Variants in APBA2 observed in about 807,000 individuals in gnomAD.
The protein encoded by APBA2 is amyloid beta precursor protein binding family A member 2.
In APBA2, 30 loss-of-function variants were observed where a neutral mutation model predicts 75.0. That is an observed-to-expected ratio of 0.40 (90% CI 0.30 to 0.54). APBA2 has a LOEUF of 0.54. APBA2 is among the 20% of genes least tolerant of loss of function. The pLI, the probability that APBA2 is intolerant of heterozygous loss-of-function variation, is 0.49. For synonymous variants in APBA2, 444 were observed against 409.6 expected, an observed-to-expected ratio of 1.08 and a Z score of -1.01; for missense variants, 801 against 1,016.1, an observed-to-expected ratio of 0.79 and a Z score of 2.88.
At chr15:28,957,047 C>A (rs1296021881) in intron 2 of APBA2, among the ~76,000 whole-genome samples, 1 of 151,916 alleles carries the variant, frequency 6.6e-6, no homozygotes, top group Non-Finnish European at 1.5e-5. Flanking sequence ...GGTACAATCT[C>A]TTTGAGCTCT....
At chr15:28,961,977 A>G (rs942968425) in intron 2 of APBA2, among the ~76,000 whole-genome samples, 23 of 152,192 alleles carry the variant, frequency 1.5e-4, no homozygotes, top group African/African-American at 5.6e-4. Context: ...GAGAGAGAAA[A>G]GGCCGGGTGG....
At chr15:29,044,402 A>G (rs8028477) in intron 3 of APBA2, 55,979 of 152,096 alleles carry the variant, frequency 0.37, 17,171 homozygotes, top group African/African-American at 0.81. Flanking sequence ...CTGGACATGG[A>G]GACTCATTTT....
intron 2 of APBA2, among the ~76,000 whole-genome samples, chr15:28,981,574 C>T (rs1450961366): frequency 6.6e-6 from 1 of 152,182 alleles, no homozygotes. Flanking sequence ...GTAAATTATT[C>T]AGCCACCTTG....
At chr15:29,107,474 C>G (rs1027474916) in intron 12 of APBA2, among the ~76,000 whole-genome samples, 1 of 152,202 alleles carries the variant, frequency 6.6e-6, no homozygotes, top group African/African-American at 2.4e-5. Context: ...TTCCTCCCCA[C>G]CCTGCTGTGG....
At chr15:29,003,422 CAATT>C (rs2038953799) in intron 3 of APBA2, among the ~76,000 whole-genome samples, 2 of 152,176 alleles carry the variant, frequency 1.3e-5, no homozygotes, top group South Asian at 4.1e-4. Flanking sequence ...TTCTGTGCAT[CAATT>C]AGTCTAGACT....
intron 2 of APBA2, among the ~76,000 whole-genome samples, chr15:28,981,268 C>CT (rs1358782331): frequency 6.6e-6 from 1 of 152,146 alleles, no homozygotes; most frequent in Admixed American, 6.5e-5. Context: ...CAACAAAAGT[C>CT]TAATATCACA....
rs758923451 is a variant in APBA2, at chr15:29,054,733, G to A, written c.849G>A (p.Ser283=). 167 of 1,612,174 alleles carry A rather than the reference G, an allele frequency of 1.0e-4. 1 individual carries two copies. The Middle Eastern group carries it at 1.8e-3, about 17-fold the overall frequency. The part of the protein sequence containing the change: ...SPSRHEARPK[S]LNLLPEAKHP... ...GCAGGCACGAGGCGAGGCCCAAGTC[G>A]CTGAACCTCCTTCCCGAGGCCAAGC... Residue 283 remains serine (S), a synonymous_variant, in exon 4 of 15, where the codon TCG becomes TCA. Transcript: ENST00000683413. The surrounding 1 kb of genome is among the most constrained non-coding windows in gnomAD (Gnocchi z 6.1).
At chr15:28,977,781 A>G (rs73368769) in intron 2 of APBA2, among the ~76,000 whole-genome samples, 6,367 of 152,130 alleles carry the variant, frequency 0.042, 272 homozygotes, top group East Asian at 0.17. Flanking sequence ...AAGGTACCTC[A>G]TTGCCTAGTA....
intron 1 of APBA2, among the ~76,000 whole-genome samples, chr15:28,892,251 A>AT (rs1462255035): frequency 6.6e-6 from 1 of 151,720 alleles, no homozygotes; most frequent in African/African-American, 2.4e-5. Context: ...ATTTTTTTGG[A>AT]TTTTTAGTAG....
At chr15:29,087,682 G>T (rs2043349847) in intron 6 of APBA2, among the ~76,000 whole-genome samples, 2 of 152,200 alleles carry the variant, frequency 1.3e-5, no homozygotes, top group Non-Finnish European at 2.9e-5. Context: ...TGCAGCAGAA[G>T]GTCTCACTTG....
chr15:28,978,615 A>G (rs1377202804), intron 2 of APBA2, among the ~76,000 whole-genome samples: 4 of 152,220 alleles, frequency 2.6e-5, no homozygotes, highest in Non-Finnish European at 2.9e-5. Context: ...TCTTTAAATC[A>G]TAGAGCTATT....
At chr15:28,940,459 CGTGAACCCGG>C (rs71839805) in intron 2 of APBA2, among the ~76,000 whole-genome samples, 18,373 of 147,106 alleles carry the variant, frequency 0.12, 2,368 homozygotes, top group East Asian at 0.33. Context: ...TGGAGAATGG[CGTGAACCCGG>C]GTGAACCCGG....
intron 1 of APBA2, among the ~76,000 whole-genome samples, chr15:28,891,923 C>T (rs1250213586): frequency 6.6e-6 from 1 of 152,148 alleles, no homozygotes; most frequent in African/African-American, 2.4e-5. Flanking sequence ...AGTGCAGTTA[C>T]TTTATTTTTT....
intron 1 of APBA2, among the ~76,000 whole-genome samples, chr15:28,906,665 A>C (rs188498632): frequency 6.6e-6 from 1 of 152,214 alleles, no homozygotes; most frequent in African/African-American, 2.4e-5. Context: ...CTCTCTGGAC[A>C]TGATCAGTCT....
At chr15:28,916,570 G>A (rs2033700579) in intron 1 of APBA2, among the ~76,000 whole-genome samples, 2 of 152,166 alleles carry the variant, frequency 1.3e-5, no homozygotes, top group African/African-American at 4.8e-5. Flanking sequence ...AGCCTTTGAG[G>A]GGTTTCCCCT....
rs960011214 is a variant in APBA2, at chr15:29,114,210, G to C, written c.2178+194G>C. ...GAGCCATCCCGGTCTGGCTCTAACTGAGCAACCGGGAGGGCACAGGCTGCT... is the reference window on the plus strand; with the variant it reads ...GAGCCATCCCGGTCTGGCTCTAACTCAGCAACCGGGAGGGCACAGGCTGCT... On this transcript the variant is annotated intron_variant, in intron 14 of 14. Coordinates refer to ENST00000683413, the MANE Select transcript of APBA2 (RefSeq NM_001353788.2). 6.6e-5 allele frequency among the ~76,000 whole-genome samples: 10 copies of C among 152,234 alleles called. No individual in the cohort carries two copies. The East Asian group carries it at 1.7e-3, about 26-fold the overall frequency.
intron 3 of APBA2, among the ~76,000 whole-genome samples, chr15:29,021,212 A>G (rs1035069932): frequency 6.6e-6 from 1 of 152,096 alleles, no homozygotes; most frequent in African/African-American, 2.4e-5. Context: ...TTATGGTGGG[A>G]GAAGAGATTT....
intron 10 of APBA2, among the ~76,000 whole-genome samples, chr15:29,105,032 T>C (rs770878692): frequency 3.4e-4 from 51 of 152,076 alleles, no homozygotes; most frequent in Admixed American, 6.5e-5. Flanking sequence ...GCAACAAAAA[T>C]ATGACATGTA....
chr15:28,959,347 C>T (rs2036343746), intron 2 of APBA2, among the ~76,000 whole-genome samples: 2 of 152,226 alleles, frequency 1.3e-5, no homozygotes, highest in African/African-American at 4.8e-5. Flanking sequence ...TCTTCACCCC[C>T]AGGACCTCAG....
Sources: gnomAD v4.1 joint callset for allele counts (sites outside exome capture counted in the v4.1 genomes callset) on GRCh38, gnomAD v4.1.1 for gene constraint, Gnocchi (gnomAD v3.1) non-coding constraint, MANE v1.5 for transcripts, NCBI Gene and HGNC (gene_info 2026-07-23, HGNC 2026-07-21) for gene names.